Variants in SGK3 observed in about 807,000 individuals in gnomAD.
SGK3 encodes serine/threonine-protein kinase Sgk3.
A neutral mutation model predicts 68.5 loss-of-function variants in SGK3; 47 were observed. The ratio of observed to expected loss-of-function variants is 0.69; its 90% confidence interval spans 0.54 to 0.87. SGK3 has a LOEUF of 0.87. Among genes scored for constraint, SGK3 ranks in the 40% least tolerant of loss-of-function variants. SGK3 has a pLI of 0.00. For synonymous variants in SGK3, 181 were observed against 189.1 expected (o/e 0.96, Z 0.35); for missense variants, 479 against 575.5 (o/e 0.83, Z 1.72).
chr8:66,801,988 T>C (rs1807964305), intron 3 of SGK3, among the ~76,000 whole-genome samples: 2 of 152,250 alleles, frequency 1.3e-5, no homozygotes, highest in Non-Finnish European at 2.9e-5. Context: ...TCATTCTCTC[T>C]TCTGTGAAAC....
chr8:66,837,281 G>A (rs1044344745), intron 10 of SGK3, among the ~76,000 whole-genome samples: 1 of 152,058 alleles, frequency 6.6e-6, no homozygotes, highest in Non-Finnish European at 1.5e-5. Flanking sequence ...TAACTAATAG[G>A]TATTGTCATA....
intron 2 of SGK3, among the ~76,000 whole-genome samples, chr8:66,795,166 T>G (rs1428335675): frequency 6.6e-6 from 1 of 152,204 alleles, no homozygotes; most frequent in Non-Finnish European, 1.5e-5. Context: ...CTCTCTGCCT[T>G]CTTAACTAGG....
chr8:66,763,943 C>T (rs1006204601), intron 1 of SGK3, among the ~76,000 whole-genome samples: 1 of 152,210 alleles, frequency 6.6e-6, no homozygotes, highest in Non-Finnish European at 1.5e-5. Context: ...GATCTTAGCT[C>T]ACTGCGGCCT....
chr8:66,758,355 A>G (rs1207972231), intron 1 of SGK3, among the ~76,000 whole-genome samples: 2 of 152,172 alleles, frequency 1.3e-5, no homozygotes, highest in East Asian at 3.9e-4. Flanking sequence ...CTCTGTCTCA[A>G]AAACAAACAA....
chr8:66,782,936 G>C (rs1585709407), intron 1 of SGK3, among the ~76,000 whole-genome samples: 1 of 152,354 alleles, frequency 6.6e-6, no homozygotes, highest in South Asian at 2.1e-4. Flanking sequence ...AGTTGCTAGA[G>C]ACATCCATTT....
At chr8:66,725,580 T>C (rs1206582155) in intron 1 of SGK3, among the ~76,000 whole-genome samples, 4 of 152,018 alleles carry the variant, frequency 2.6e-5, no homozygotes, top group Non-Finnish European at 5.9e-5. Flanking sequence ...AAAATAGATC[T>C]ATATATATCT....
rs1376088241 is a variant in SGK3, at chr8:66,860,611, A to AT, written c.*1036dup. ...TCTGAAGGGTAATAAAATGTACTGG[A>AT]TTTTTTAAGGTGGTACCAAAAATGA... On this transcript the variant is annotated 3_prime_UTR_variant, in exon 17 of 17. Transcript: ENST00000521198. 6.6e-6 allele frequency: 1 copy of AT among 152,148 alleles called. No homozygotes were observed. Among genetic ancestry groups the AT allele is most frequent in the East Asian group, 1.9e-4 (1 of 5,192 alleles). The allele number at this position is 152,148 out of a possible 1,614,324, so 9.4% of individuals were successfully genotyped here.
intron 2 of SGK3, among the ~76,000 whole-genome samples, chr8:66,796,352 T>TTTTTA (rs1807693571): frequency 7.3e-6 from 1 of 137,720 alleles, no homozygotes; most frequent in Non-Finnish European, 1.5e-5. Flanking sequence ...TTTTTTTTTT[T>TTTTTA]AGAAGGGACT....
intron 13 of SGK3, among the ~76,000 whole-genome samples, chr8:66,841,792 TTAGC>T (rs1157012370): frequency 6.6e-6 from 1 of 152,202 alleles, no homozygotes; most frequent in East Asian, 1.9e-4. Flanking sequence ...TCTAATCATG[TTAGC>T]TAGCAAAAAA....
intron 1 of SGK3, among the ~76,000 whole-genome samples, chr8:66,720,808 T>C (rs1277584313): frequency 6.7e-6 from 1 of 149,140 alleles, no homozygotes; most frequent in Admixed American, 6.6e-5. Flanking sequence ...TAGCCAGGTG[T>C]GGTGGCACAC....
chr8:66,730,768 C>G (rs757948597), intron 1 of SGK3, among the ~76,000 whole-genome samples: 9 of 152,110 alleles, frequency 5.9e-5, no homozygotes, highest in Non-Finnish European at 1.2e-4. Flanking sequence ...GCCTCCCCCT[C>G]CCATGTTCAA....
At chr8:66,753,837 A>G (rs1357261256) in intron 1 of SGK3, among the ~76,000 whole-genome samples, 1 of 152,160 alleles carries the variant, frequency 6.6e-6, no homozygotes, top group Admixed American at 6.6e-5. Context: ...AGAAAAGAAA[A>G]GAAAAGAATA....
chr8:66,759,649 T>G lies in SGK3; in HGVS notation c.-121-33967T>G, dbSNP rs559526679. 2.7e-3 allele frequency among the ~76,000 whole-genome samples: 415 copies of G among 151,610 alleles called. 5 individuals carry two copies. Among genetic ancestry groups the G allele is most frequent in the African/African-American group, 9.8e-3 (403 of 41,310 alleles). On this transcript the variant is annotated intron_variant, in intron 1 of 16. Transcript: ENST00000521198. The stretch of plus-strand genomic sequence containing the variant: ...GTTTCACCATTTTGGCCAGGATGGT[T>G]TTTGTTTGTTTGTTTGTTTGTTTGT...
At chr8:66,831,413 C>T in intron 8 of SGK3, 102 bp downstream of exon 8, 1 of 1,395,060 alleles carries the variant, frequency 7.2e-7, no homozygotes. Context: ...GTGGTGCAGT[C>T]ATAGCACACT....
intron 6 of SGK3, among the ~76,000 whole-genome samples, chr8:66,826,462 A>G (rs1307323103): frequency 6.6e-6 from 1 of 152,138 alleles, no homozygotes; most frequent in African/African-American, 2.4e-5. Flanking sequence ...GCAGTTACTT[A>G]GTAGAAAGGA....
intron 1 of SGK3, among the ~76,000 whole-genome samples, chr8:66,760,147 T>C (rs1806111084): frequency 6.6e-6 from 1 of 152,226 alleles, no homozygotes; most frequent in South Asian, 2.1e-4. Context: ...CATTTGTTAG[T>C]ATCACTAAGT....
At chr8:66,797,480 G>A (rs941188366) in intron 2 of SGK3, among the ~76,000 whole-genome samples, 1 of 152,086 alleles carries the variant, frequency 6.6e-6, no homozygotes, top group African/African-American at 2.4e-5. Flanking sequence ...AAGACCAAAA[G>A]GGCCAGATTA....
chr8:66,755,395 T>C (rs565253460), intron 1 of SGK3, among the ~76,000 whole-genome samples: 2 of 151,990 alleles, frequency 1.3e-5, no homozygotes, highest in East Asian at 3.9e-4. Context: ...GATAAAACTG[T>C]GTTGTGCACC....
At chr8:66,800,379 C>CTTTTTTTTT (rs35415180) in intron 3 of SGK3, among the ~76,000 whole-genome samples, 14 of 102,380 alleles carry the variant, frequency 1.4e-4, no homozygotes, top group African/African-American at 3.6e-4. Flanking sequence ...TTTTTCATTT[C>CTTTTTTTTT]TTTTTTTTTT....
Sources: allele counts gnomAD v4.1 joint callset (sites outside exome capture counted in the v4.1 genomes callset), GRCh38; gene constraint gnomAD v4.1.1; transcripts MANE v1.5; gene names NCBI Gene and HGNC (gene_info 2026-07-23, HGNC 2026-07-21).